DENND5B: variants seen among roughly 807,000 people sequenced by gnomAD.
The protein encoded by DENND5B is DENN domain containing 5B, also known as DENN domain-containing protein 5B.
DENND5B carries 34 observed loss-of-function variants against 140.6 expected under a neutral mutation model. That is an observed-to-expected ratio of 0.24 (90% confidence interval 0.18 to 0.32). The LOEUF is 0.32. Among genes scored for constraint, DENND5B ranks in the 10% least tolerant of loss-of-function variants. The pLI is 1.00. For missense variants in DENND5B, 1,142 were observed against 1,560.2 expected (o/e 0.73, Z 4.52); for synonymous variants, 551 against 562.1 (o/e 0.98, Z 0.28).
intron 7 of DENND5B, among the ~76,000 whole-genome samples, chr12:31,437,449 T>A (rs770581609): frequency 6.6e-6 from 1 of 152,166 alleles, no homozygotes; most frequent in Non-Finnish European, 1.5e-5. Flanking sequence ...CTGCCCCTTG[T>A]ATAAATACAA....
intron 3 of DENND5B, among the ~76,000 whole-genome samples, chr12:31,476,214 GTA>G (rs1945801316): frequency 6.6e-6 from 1 of 151,112 alleles, no homozygotes; most frequent in Admixed American, 6.6e-5. Flanking sequence ...AAAAAGCATG[GTA>G]TACAATATAA....
intron 1 of DENND5B, among the ~76,000 whole-genome samples, chr12:31,555,592 G>A (rs1202196720): frequency 6.6e-6 from 1 of 152,218 alleles, no homozygotes; most frequent in Admixed American, 6.5e-5. Context: ...GTCAGAGAGG[G>A]ACATTTAAGT....
chr12:31,511,745 G>A (rs775243150), intron 1 of DENND5B, among the ~76,000 whole-genome samples: 10 of 151,728 alleles, frequency 6.6e-5, no homozygotes, highest in East Asian at 1.9e-4. Flanking sequence ...AAAAATGTTC[G>A]TTGAGTAAAT....
At chr12:31,555,307 G>A (rs1267799173) in intron 1 of DENND5B, among the ~76,000 whole-genome samples, 1 of 152,328 alleles carries the variant, frequency 6.6e-6, no homozygotes, top group East Asian at 1.9e-4. Flanking sequence ...GTTGGAGTTT[G>A]CTGGAGGTCC....
At chr12:31,564,506 A>G (rs757094720) in intron 1 of DENND5B, among the ~76,000 whole-genome samples, 7 of 151,616 alleles carry the variant, frequency 4.6e-5, no homozygotes, top group Non-Finnish European at 1.0e-4. Flanking sequence ...GCTTCCTTAC[A>G]TAATTTATCA....
chr12:31,550,377 C>T (rs1178404732), intron 1 of DENND5B, among the ~76,000 whole-genome samples: 1 of 151,854 alleles, frequency 6.6e-6, no homozygotes, highest in East Asian at 1.9e-4. Flanking sequence ...ATCCATGTCC[C>T]TACAAAGGAC....
intron 3 of DENND5B, among the ~76,000 whole-genome samples, chr12:31,468,758 G>T (rs1357861218): frequency 1.3e-5 from 2 of 152,122 alleles, no homozygotes; most frequent in Non-Finnish European, 2.9e-5. Flanking sequence ...ACTGCAGTGA[G>T]CCTAGATCGT....
chr12:31,437,388 C>T (rs911784945), intron 7 of DENND5B, among the ~76,000 whole-genome samples: 1 of 152,178 alleles, frequency 6.6e-6, no homozygotes, highest in Non-Finnish European at 1.5e-5. Context: ...CTGGCCTCGG[C>T]CTCCCAAAGT....
chr12:31,551,705 G>C (rs1949068103), intron 1 of DENND5B, among the ~76,000 whole-genome samples: 1 of 152,148 alleles, frequency 6.6e-6, no homozygotes, highest in South Asian at 2.1e-4. Context: ...AGCATGGAAT[G>C]TTCTTCCATT....
At chr12:31,565,434 C>A (rs1012112230) in intron 1 of DENND5B, among the ~76,000 whole-genome samples, 1 of 152,182 alleles carries the variant, frequency 6.6e-6, no homozygotes, top group Non-Finnish European at 1.5e-5. Flanking sequence ...GCAATTTATA[C>A]ATCTTGCTTA....
chr12:31,399,716 C>G lies in DENND5B; in HGVS notation c.3006G>C (p.Leu1002=). ...TVQIGHDNSG[L]LAKWLVDCVM... ...CACAATCCACTAGCCATTTGGCTAA[C>G]AGTCCTGAGTTATCGTGACCAATCT... The change falls in exon 16 of 21, where the codon CTG becomes CTC. Residue 1002 remains leucine (L), a synonymous_variant. Transcript: ENST00000389082. 2 of 1,614,048 alleles carry G rather than the reference C, an allele frequency of 1.2e-6. No individual in the cohort carries two copies. The highest frequency in any genetic ancestry group is 1.7e-6 in the Non-Finnish European group (2 of 1,179,954).
Position 31,587,526 on chromosome 12 carries a change from CTTT to C in DENND5B, c.127+3177_127+3179del, listed in dbSNP as rs71460995. Among the ~76,000 whole-genome samples, 12 of 75,038 alleles carry C rather than the reference CTTT, an allele frequency of 1.6e-4. 1 individual carries two copies. The highest frequency in any genetic ancestry group is 5.7e-4 in the South Asian group (1 of 1,750). 49.2% of individuals were successfully genotyped at this position (75,038 alleles called of 152,430 possible). ...CAACAACTTCTCTCACCACAAATACCTTTTTTTTTTTTTTTTTTTTTTTTTTTT... is the reference window on the plus strand; with the variant it reads ...CAACAACTTCTCTCACCACAAATACCTTTTTTTTTTTTTTTTTTTTTTTTT... On this transcript the variant is annotated intron_variant, in intron 1 of 20. Coordinates refer to ENST00000389082, the MANE Select transcript of DENND5B (RefSeq NM_144973.4).
intron 2 of DENND5B, among the ~76,000 whole-genome samples, chr12:31,487,441 T>A (rs1946351159): frequency 6.6e-6 from 1 of 152,184 alleles, no homozygotes; most frequent in Non-Finnish European, 1.5e-5. Flanking sequence ...CTCACACCCA[T>A]AATCCCAGTA....
chr12:31,554,522 G>C (rs1025608993), intron 1 of DENND5B, among the ~76,000 whole-genome samples: 1 of 152,132 alleles, frequency 6.6e-6, no homozygotes, highest in Admixed American at 6.6e-5. Flanking sequence ...CAACTTTGGT[G>C]AATCTGACAA....
intron 2 of DENND5B, among the ~76,000 whole-genome samples, chr12:31,481,386 T>TGG (rs1445295597): frequency 2.1e-4 from 32 of 152,182 alleles, no homozygotes; most frequent in African/African-American, 7.7e-4. Context: ...TCCTATGGTA[T>TGG]TTCCAGTCGA....
intron 14 of DENND5B, among the ~76,000 whole-genome samples, chr12:31,402,899 T>C (rs1198110126): frequency 2.6e-5 from 4 of 152,106 alleles, no homozygotes; most frequent in Non-Finnish European, 5.9e-5. Context: ...GATGCATATA[T>C]CAACATTAAA....
At chr12:31,517,754 T>A (rs1323212014) in intron 1 of DENND5B, among the ~76,000 whole-genome samples, 1 of 151,998 alleles carries the variant, frequency 6.6e-6, no homozygotes, top group African/African-American at 2.4e-5. Flanking sequence ...GTGACAGAGA[T>A]CAAGTTCAGA....
At chr12:31,402,984 T>C (rs1941893354) in intron 14 of DENND5B, among the ~76,000 whole-genome samples, 1 of 152,208 alleles carries the variant, frequency 6.6e-6, no homozygotes, top group Non-Finnish European at 1.5e-5. Context: ...TGTGTTTTCA[T>C]TGCTTAAATT....
chr12:31,532,424 T>C (rs1009259354), intron 1 of DENND5B, among the ~76,000 whole-genome samples: 2 of 151,996 alleles, frequency 1.3e-5, no homozygotes, highest in African/African-American at 2.4e-5. Context: ...ATAACAGCAA[T>C]GGAAAAATCA....
Sources: allele counts gnomAD v4.1 joint callset (sites outside exome capture counted in the v4.1 genomes callset), GRCh38; gene constraint gnomAD v4.1.1; transcripts MANE v1.5; gene names NCBI Gene and HGNC (gene_info 2026-07-23, HGNC 2026-07-21).